SDK2: variants seen among roughly 807,000 people sequenced by gnomAD.
SDK2 encodes protein sidekick-2.
SDK2 carries 105 observed loss-of-function variants against 253.9 expected under a neutral mutation model. That is an observed-to-expected ratio of 0.41 (90% CI 0.35 to 0.49). SDK2 has a LOEUF of 0.49. Ranked by LOEUF, SDK2 falls within the 20% of genes least tolerant of loss-of-function variation. SDK2 has a pLI of 0.06. For synonymous variants in SDK2, 1,249 were observed against 1,234.9 expected, an observed-to-expected ratio of 1.01 and a Z score of -0.24; for missense variants, 2,608 against 3,003.0, an observed-to-expected ratio of 0.87 and a Z score of 3.07.
At chr17:73,483,519 G>GTA (rs1207168133) in intron 2 of SDK2, among the ~76,000 whole-genome samples, 2 of 137,606 alleles carry the variant, frequency 1.5e-5, no homozygotes, top group Admixed American at 7.5e-5. Context: ...GTATGTGTGT[G>GTA]TGTATATATA....
At chr17:73,529,145 G>A (rs942653221) in intron 1 of SDK2, among the ~76,000 whole-genome samples, 1 of 152,218 alleles carries the variant, frequency 6.6e-6, no homozygotes, top group African/African-American at 2.4e-5. Context: ...CCAGAAGAAA[G>A]ATGATTCTGG....
rs1335627477 is a variant in SDK2 at position 73,336,294 on chromosome 17, G to A, written c.*2293C>T. On this transcript the variant is annotated 3_prime_UTR_variant, in exon 45 of 45. Transcript: ENST00000392650. The stretch of plus-strand genomic sequence containing the variant: ...ATGCCAGATGCTGCAGAGGGTGGGG[G>A]CGGAGGTGGCAGGGGTGGAGCAGGT... 1 of 152,246 alleles carries A rather than the reference G, an allele frequency of 6.6e-6. No individual in the cohort carries two copies. Among genetic ancestry groups the A allele is most frequent in the African/African-American group, 2.4e-5 (1 of 41,456 alleles). 9.4% of individuals were successfully genotyped at this position (152,246 alleles called of 1,614,324 possible).
At chr17:73,378,257 C>T (rs529600406) in intron 36 of SDK2, among the ~76,000 whole-genome samples, 1 of 152,112 alleles carries the variant, frequency 6.6e-6, no homozygotes, top group African/African-American at 2.4e-5. Flanking sequence ...TGCCACCACA[C>T]CTGGCTAATT....
At chr17:73,501,351 G>A (rs1290372053) in intron 2 of SDK2, among the ~76,000 whole-genome samples, 1 of 152,068 alleles carries the variant, frequency 6.6e-6, no homozygotes, top group Non-Finnish European at 1.5e-5. Flanking sequence ...CCTGTCCCCA[G>A]CACATGCCCC....
intron 1 of SDK2, among the ~76,000 whole-genome samples, chr17:73,631,750 T>G (rs2046273789): frequency 6.6e-6 from 1 of 152,190 alleles, no homozygotes; most frequent in African/African-American, 2.4e-5. Context: ...CCACACACAG[T>G]AAGGACCTAC....
Position 73,431,496 on chromosome 17 carries a change from A to G in SDK2, c.1480+6T>C. 6.2e-7 allele frequency: 1 copy of G among 1,608,822 alleles called. No homozygotes were observed. Among genetic ancestry groups the G allele is most frequent in the Non-Finnish European group, 8.5e-7 (1 of 1,178,062 alleles). On this transcript the variant is annotated splice_donor_region_variant and intron_variant, in intron 11 of 44. Coordinates refer to ENST00000392650, the MANE Select transcript of SDK2 (RefSeq NM_001144952.2). The surrounding 1 kb of genome is among the most constrained non-coding windows in gnomAD (Gnocchi z 5.6). ...TGTATAAAGCCCTGTGGCTCTGCACACTCACCCCAAACGACTAGGTCTGCT... is the reference window on the plus strand; with the variant it reads ...TGTATAAAGCCCTGTGGCTCTGCACGCTCACCCCAAACGACTAGGTCTGCT...
At chr17:73,600,935 C>T (rs1344854895) in intron 1 of SDK2, among the ~76,000 whole-genome samples, 1 of 152,032 alleles carries the variant, frequency 6.6e-6, no homozygotes, top group Non-Finnish European at 1.5e-5. Context: ...GGGGGCAGGA[C>T]TCTGTGCACA....
rs1263141139 is a variant in SDK2, at chr17:73,422,308, T to C, written c.2024A>G (p.Gln675Arg). The change falls in exon 15 of 45, where the codon CAG (glutamine) becomes CGG (arginine). Residue 675 changes from glutamine to arginine, a missense_variant. By Grantham distance (43) the Gln-to-Arg change is conservative. Transcript: ENST00000392650. ...TCACCTCTCGGTGTCTTTGCTGAAC[T>C]GTCCTTTCCCCACGTCGTTGACGGC... ...LCAVNDVGKG[Q>R]FSKDTERVSL... The C allele has an allele frequency of 1.2e-6, 2 of 1,613,952 alleles. No homozygotes were observed. Among genetic ancestry groups the C allele is most frequent in the Admixed American group, 3.3e-5 (2 of 60,020 alleles).
At chr17:73,602,039 C>T (rs2045849393) in intron 1 of SDK2, among the ~76,000 whole-genome samples, 1 of 152,226 alleles carries the variant, frequency 6.6e-6, no homozygotes, top group Admixed American at 6.5e-5. Context: ...CCGCCGCGCC[C>T]AGCCCAGAAC....
At chr17:73,369,983 T>C (rs571685778) in intron 36 of SDK2, among the ~76,000 whole-genome samples, 4 of 152,224 alleles carry the variant, frequency 2.6e-5, no homozygotes, top group Admixed American at 6.5e-5. Context: ...AGGTTAACAC[T>C]TCTGCTAGTT....
intron 1 of SDK2, among the ~76,000 whole-genome samples, chr17:73,600,515 C>T (rs1234325766): frequency 6.6e-6 from 1 of 152,128 alleles, no homozygotes; most frequent in Non-Finnish European, 1.5e-5. Flanking sequence ...ACACCCAGGG[C>T]TTCTCTGGGG....
At chr17:73,363,011 C>A (rs117962240) in intron 38 of SDK2, among the ~76,000 whole-genome samples, 2 of 152,248 alleles carry the variant, frequency 1.3e-5, no homozygotes, top group Non-Finnish European at 2.9e-5. Flanking sequence ...GCATCTTAGG[C>A]AGGGATGCTA....
At chr17:73,502,476 G>T (rs2063898129) in intron 2 of SDK2, among the ~76,000 whole-genome samples, 2 of 152,152 alleles carry the variant, frequency 1.3e-5, no homozygotes, top group South Asian at 4.2e-4. Flanking sequence ...AGAATCTAAT[G>T]GGGATATATT....
intron 1 of SDK2, among the ~76,000 whole-genome samples, chr17:73,508,360 C>T (rs1281324570): frequency 1.3e-5 from 2 of 152,286 alleles, no homozygotes; most frequent in African/African-American, 4.8e-5. Context: ...GACTGCTCAG[C>T]TGGCTGATCT....
chr17:73,414,825 T>C (rs2063167278), intron 17 of SDK2, 66 bp from the exon 18 acceptor site: 2 of 1,020,778 alleles, frequency 2.0e-6, no homozygotes, highest in Non-Finnish European at 3.1e-6. Context: ...CCCAGTTCAG[T>C]AGAGAAAACG....
At chr17:73,512,589 A>AT in intron 1 of SDK2, among the ~76,000 whole-genome samples, 1 of 152,224 alleles carries the variant, frequency 6.6e-6, no homozygotes, top group African/African-American at 2.4e-5. Context: ...ATACGAAGGA[A>AT]TTTTTTTAAG....
At chr17:73,545,848 G>T (rs1343710979) in intron 1 of SDK2, among the ~76,000 whole-genome samples, 2 of 152,150 alleles carry the variant, frequency 1.3e-5, no homozygotes, top group African/African-American at 4.8e-5. Context: ...GGGCCTGGGA[G>T]AGGGTCTCTG....
At chr17:73,437,646 G>A in intron 8 of SDK2, 93 bp downstream of exon 8, 1 of 1,119,956 alleles carries the variant, frequency 8.9e-7, no homozygotes. Context: ...ATGGTCTCGA[G>A]AAGAAGCTGG....
chr17:73,340,613 A>G (rs1489549037), intron 44 of SDK2, among the ~76,000 whole-genome samples: 1 of 152,184 alleles, frequency 6.6e-6, no homozygotes, highest in African/African-American at 2.4e-5. Context: ...GGCTCTGGAC[A>G]GTGAAAAATG....
Sources: allele counts gnomAD v4.1 joint callset (sites outside exome capture counted in the v4.1 genomes callset), GRCh38; gene constraint gnomAD v4.1.1; non-coding constraint Gnocchi (gnomAD v3.1); transcripts MANE v1.5; gene names NCBI Gene and HGNC (gene_info 2026-07-23, HGNC 2026-07-21).